The following IVNS1ABP variants were observed in gnomAD, a reference collection of about 807,000 sequenced individuals.
IVNS1ABP encodes influenza virus NS1A-binding protein.
Under a neutral mutation model 78.9 loss-of-function variants are expected in IVNS1ABP, and 25 were observed. That is an observed-to-expected ratio of 0.32 (90% CI 0.23 to 0.44). The LOEUF is 0.44. IVNS1ABP is among the 20% of genes least tolerant of loss of function. The probability of loss-of-function intolerance (pLI) is 1.00; values close to 1 mark genes in which losing one functional copy is unlikely to be tolerated. For missense variants in IVNS1ABP, 494 were observed against 768.9 expected (o/e 0.64, Z 4.23); for synonymous variants, 241 against 259.7 (o/e 0.93, Z 0.69).
At chr1:185,309,266 G>A (rs1665822816) in intron 3 of IVNS1ABP, 94 bp from the exon 4 acceptor site, 9 of 1,218,746 alleles carry the variant, frequency 7.4e-6, no homozygotes, top group Non-Finnish European at 1.0e-5. Context: ...ACATTTCTCA[G>A]TATTCTTTTA....
In IVNS1ABP at chr1:185,298,581, CTAT is replaced by C. The variant is rs1461377392; in HGVS notation, c.1676-296_1676-294del. 2 of 386,490 alleles carry C rather than the reference CTAT, an allele frequency of 5.2e-6. No individual in the cohort carries two copies. The highest frequency in any genetic ancestry group is 5.2e-5 in the East Asian group (1 of 19,330). 23.9% of individuals were successfully genotyped at this position (386,490 alleles called of 1,614,324 possible). ...ATTTTCACCAACTCTGTGGTAGTTA[CTAT>C]TATTATTTCAGAGAAGAAGAAAAGC... On this transcript the variant is annotated intron_variant, in intron 14 of 14. Transcript: ENST00000367498. This position sits in a 1 kb window ranked among gnomAD's most constrained non-coding sequence, Gnocchi z 4.1.
At chr1:185,300,626 G>A (rs1196057830) in intron 10 of IVNS1ABP, 68 bp from the exon 11 acceptor site, 13 of 1,488,346 alleles carry the variant, frequency 8.7e-6, no homozygotes, top group South Asian at 1.2e-5. Flanking sequence ...TTCCAGTCCT[G>A]TAAGTTTAAG....
intron 8 of IVNS1ABP, among the ~76,000 whole-genome samples, chr1:185,302,109 T>G (rs1665617431): frequency 6.6e-6 from 1 of 152,102 alleles, no homozygotes; most frequent in Admixed American, 6.6e-5. Flanking sequence ...GAATATTTCT[T>G]TAGGATTACC....
At chr1:185,300,943 C>G (rs572571032) in intron 10 of IVNS1ABP, 29 bp downstream of exon 10, 38 of 1,581,162 alleles carry the variant, frequency 2.4e-5, no homozygotes, top group African/African-American at 4.0e-5. Context: ...CATCTACATG[C>G]TTAGCCAGTT....
In IVNS1ABP at chr1:185,311,254, A is replaced by C; in HGVS notation, c.-178T>G. ...GGTGATTCCAAAACTATCAGGCTTG[A>C]AAATGATGTAATCAAGTCCTTAAAA... On this transcript the variant is annotated 5_prime_UTR_variant, in exon 2 of 15. Transcript: ENST00000367498. 1 of 397,774 alleles carries C rather than the reference A, an allele frequency of 2.5e-6. No individual in the cohort carries two copies. 24.6% of individuals were successfully genotyped at this position (397,774 alleles called of 1,614,324 possible). A position where few individuals can be genotyped will look rare whatever the true frequency, so the allele number is the denominator to read the frequency against.
intron 1 of IVNS1ABP, among the ~76,000 whole-genome samples, chr1:185,311,804 T>C (rs1397662967): frequency 6.6e-6 from 1 of 151,978 alleles, no homozygotes; most frequent in African/African-American, 2.4e-5. Flanking sequence ...TCTCTCTACC[T>C]GGAAGGCCCT....
At chr1:185,299,926 A>G in intron 13 of IVNS1ABP, 43 bp from the exon 14 acceptor site, 1 of 1,612,334 alleles carries the variant, frequency 6.2e-7, no homozygotes, top group African/African-American at 1.3e-5. Flanking sequence ...CATCTCCCAG[A>G]CTCTAAGTGT....
In IVNS1ABP at chr1:185,301,234, T is replaced by C. The variant is rs2273222; in HGVS notation, c.896-38A>G. 1,100 of 1,560,880 alleles carry C rather than the reference T, an allele frequency of 7.0e-4. 13 individuals carry two copies. The East Asian group carries it at 0.018, about 26-fold the overall frequency. On this transcript the variant is annotated intron_variant, in intron 9 of 14. Transcript: ENST00000367498. ...GAGTTCCATGTTTAAGATGTAATTA[T>C]TACTTTTGGTTTGTGTATATGATCC...
intron 1 of IVNS1ABP, among the ~76,000 whole-genome samples, chr1:185,311,900 C>A (rs368609244): frequency 1.3e-5 from 2 of 152,172 alleles, no homozygotes; most frequent in East Asian, 3.9e-4. Context: ...TCCTCATCCT[C>A]CACATTTAGA....
chr1:185,308,951 G>C (rs1333981307), intron 4 of IVNS1ABP, 52 bp downstream of exon 4: 2 of 1,579,750 alleles, frequency 1.3e-6, no homozygotes, highest in Non-Finnish European at 1.7e-6. Context: ...GCAAGACTTG[G>C]AATTTTCTGA....
rs910034191 is a variant in IVNS1ABP at position 185,298,776 on chromosome 1, T to C, written c.1676-488A>G. On this transcript the variant is annotated intron_variant, in intron 14 of 14. Coordinates refer to ENST00000367498, the MANE Select transcript of IVNS1ABP (RefSeq NM_006469.5). This position sits in a 1 kb window ranked among gnomAD's most constrained non-coding sequence, Gnocchi z 4.1. ...GGCTTTCCAACTGTATAAAATGATT[T>C]TGGGGCCAGATGCGGTGGCTCATGC... 3 of 158,062 alleles carry C rather than the reference T, an allele frequency of 1.9e-5. No homozygotes were observed. Among genetic ancestry groups the C allele is most frequent in the African/African-American group, 4.8e-5 (2 of 41,422 alleles). The allele number at this position is 158,062 out of a possible 1,614,324, so 9.8% of individuals were successfully genotyped here.
intron 8 of IVNS1ABP, among the ~76,000 whole-genome samples, chr1:185,302,062 G>A (rs533988636): frequency 7.2e-5 from 11 of 152,014 alleles, no homozygotes; most frequent in Non-Finnish European, 1.3e-4. Context: ...GAAAGTACTT[G>A]ACAGGAAAAA....
At position 185,298,892 on chromosome 1, in the gene IVNS1ABP, T is replaced by C. The variant is rs748517651; in HGVS notation, c.1676-604A>G. 17 of 152,394 alleles carry C rather than the reference T, an allele frequency of 1.1e-4. No individual in the cohort carries two copies. The highest frequency in any genetic ancestry group is 1.9e-4 in the Non-Finnish European group (13 of 68,134). The allele number at this position is 152,394 out of a possible 1,614,324, so 9.4% of individuals were successfully genotyped here. A position where few individuals can be genotyped will look rare whatever the true frequency, so the allele number is the denominator to read the frequency against. Reference sequence around the variant, plus strand: ...GCCTGGGCAACACAGTGAGACCATGTCTCAATTAAAAAAATAAAATGATTG... The same window carrying C: ...GCCTGGGCAACACAGTGAGACCATGCCTCAATTAAAAAAATAAAATGATTG... On this transcript the variant is annotated intron_variant, in intron 14 of 14. Transcript: ENST00000367498. The surrounding 1 kb of genome is among the most constrained non-coding windows in gnomAD (Gnocchi z 4.1).
chr1:185,301,372 G>A, intron 9 of IVNS1ABP, 62 bp downstream of exon 9: 1 of 1,577,918 alleles, frequency 6.3e-7, no homozygotes, highest in Non-Finnish European at 8.7e-7. Flanking sequence ...GTATTAAATT[G>A]GCAACACTCC....
chr1:185,308,384 A>G (rs1268314219), intron 5 of IVNS1ABP, among the ~76,000 whole-genome samples: 1 of 152,212 alleles, frequency 6.6e-6, no homozygotes, highest in Non-Finnish European at 1.5e-5. Context: ...ACCCCCATGC[A>G]TTAGGGGATT....
Position 185,297,849 on chromosome 1 carries a change from T to C in IVNS1ABP, c.*186A>G, listed in dbSNP as rs1665460392. The C allele has an allele frequency of 1.8e-6, 1 of 570,122 alleles. No individual in the cohort carries two copies. Among genetic ancestry groups the C allele is most frequent in the Non-Finnish European group, 3.0e-6 (1 of 328,354 alleles). The allele number at this position is 570,122 out of a possible 1,614,324, so 35.3% of individuals were successfully genotyped here. ...TAAAAGTACACAAAACAGACCTTCA[T>C]CTTTGCATTCCTTTCCAAATAAACC... On this transcript the variant is annotated 3_prime_UTR_variant, in exon 15 of 15. Transcript: ENST00000367498.
At position 185,298,004 on chromosome 1, in the gene IVNS1ABP, A is replaced by G. The variant is rs759210033; in HGVS notation, c.*31T>C. The G allele has an allele frequency of 6.2e-7, 1 of 1,604,434 alleles. No homozygotes were observed. The highest frequency in any genetic ancestry group is 1.1e-5 in the South Asian group (1 of 90,194). On this transcript the variant is annotated 3_prime_UTR_variant, in exon 15 of 15. Coordinates refer to ENST00000367498, the MANE Select transcript of IVNS1ABP (RefSeq NM_006469.5). The surrounding 1 kb of genome is among the most constrained non-coding windows in gnomAD (Gnocchi z 4.1). Reference sequence around the variant, plus strand: ...TCTACTAACCATAATTACATCACTAAGCCTGTTAGTTTGAGAGGGTCTTAA... The same window carrying G: ...TCTACTAACCATAATTACATCACTAGGCCTGTTAGTTTGAGAGGGTCTTAA...
intron 3 of IVNS1ABP, 68 bp downstream of exon 3, chr1:185,309,315 G>A (rs577585815): frequency 7.9e-7 from 1 of 1,268,764 alleles, no homozygotes; most frequent in South Asian, 1.4e-5. Context: ...AAAGAAATAA[G>A]CAAATCTAAG....
intron 8 of IVNS1ABP, among the ~76,000 whole-genome samples, chr1:185,303,236 T>G (rs1015127527): frequency 1.3e-5 from 2 of 152,084 alleles, no homozygotes; most frequent in Non-Finnish European, 2.9e-5. Flanking sequence ...CCAAAAGCAA[T>G]GCCTAATAAC....
Sources: gnomAD v4.1 joint callset for allele counts (sites outside exome capture counted in the v4.1 genomes callset) on GRCh38, gnomAD v4.1.1 for gene constraint, Gnocchi (gnomAD v3.1) non-coding constraint, MANE v1.5 for transcripts, NCBI Gene and HGNC (gene_info 2026-07-23, HGNC 2026-07-21) for gene names.